The following AGAP1 variants were observed in gnomAD, a reference collection of about 807,000 sequenced individuals.
AGAP1 encodes the protein arf-GAP with GTPase, ANK repeat and PH domain-containing protein 1.
In AGAP1, 29 loss-of-function variants were observed where a neutral mutation model predicts 105.3. That is an observed-to-expected ratio of 0.28 (90% CI 0.21 to 0.38). The LOEUF (loss-of-function observed/expected upper bound fraction) is 0.38. AGAP1 is among the 10% of genes least tolerant of loss of function. The pLI, the probability that AGAP1 is intolerant of heterozygous loss-of-function variation, is 1.00. For missense variants in AGAP1, 998 were observed against 1,165.1 expected (o/e 0.86, Z 2.09); for synonymous variants, 509 against 485.9 (o/e 1.05, Z -0.63).
In AGAP1 at chr2:235,642,937, G is replaced by C. The variant is rs1009991690; in HGVS notation, c.164-66242G>C. On this transcript the variant is annotated intron_variant, in intron 1 of 17. Transcript: ENST00000304032. This position sits in a 1 kb window ranked among gnomAD's most constrained non-coding sequence, Gnocchi z 4.1. ...ATGTGCTGCCATGACAAGGCACGGT[G>C]GTGGTGGGGACCTGGCAAGGTACCG... Among the ~76,000 whole-genome samples, 1 of 152,232 alleles carries C rather than the reference G, an allele frequency of 6.6e-6. No individual in the cohort carries two copies. Among genetic ancestry groups the C allele is most frequent in the African/African-American group, 2.4e-5 (1 of 41,466 alleles).
rs1011447307 is a variant in AGAP1, at chr2:236,123,759, T to C, written c.2371-160T>C. On this transcript the variant is annotated intron_variant, in intron 17 of 17. Coordinates refer to ENST00000304032, the MANE Select transcript of AGAP1 (RefSeq NM_001037131.3). This position sits in a 1 kb window ranked among gnomAD's most constrained non-coding sequence, Gnocchi z 4.6. ...GAATCCGCTGGCCACGGGTGCAGGC[T>C]GTGCCACCAGCACTGGATGGTCCTG... Among the ~76,000 whole-genome samples the C allele has an allele frequency of 2.0e-5, 3 of 152,170 alleles. No homozygotes were observed. Among genetic ancestry groups the C allele is most frequent in the Non-Finnish European group, 4.4e-5 (3 of 68,032 alleles).
rs1179011493 is a variant in AGAP1 at position 235,845,536 on chromosome 2, G to C, written c.1051-37809G>C. Among the ~76,000 whole-genome samples the C allele has an allele frequency of 6.6e-6, 1 of 152,042 alleles. No individual in the cohort carries two copies. The highest frequency in any genetic ancestry group is 2.4e-5 in the African/African-American group (1 of 41,414). On this transcript the variant is annotated intron_variant, in intron 9 of 17. Transcript: ENST00000304032. This position sits in a 1 kb window ranked among gnomAD's most constrained non-coding sequence, Gnocchi z 4.8. ...GTGGGGTCACCACTATCCACCGACA[G>C]CCCAGCCGGTCGACAGCAGACCTTT...
chr2:236,097,380 C>CTTTTTTTTTTTTTTTTT (rs58882083), intron 16 of AGAP1, among the ~76,000 whole-genome samples: 1 of 48,648 alleles, frequency 2.1e-5, no homozygotes, highest in Non-Finnish European at 3.9e-5. Flanking sequence ...TCATCCTAAT[C>CTTTTTTTTTTTTTTTTT]TTTTTTTTTT....
rs1422469855 is a variant in AGAP1 at position 235,889,060 on chromosome 2, CG to C, written c.1155+5613del. ...AGTTTGCTTATTGCACAAGTGTCCACGGAAGTGTTTGTGTGAAAGATCGATC... is the reference window on the plus strand; with the variant it reads ...AGTTTGCTTATTGCACAAGTGTCCACGAAGTGTTTGTGTGAAAGATCGATC... On this transcript the variant is annotated intron_variant, in intron 10 of 17. Transcript: ENST00000304032. The surrounding 1 kb of genome is among the most constrained non-coding windows in gnomAD (Gnocchi z 4.6). 1.3e-5 allele frequency among the ~76,000 whole-genome samples: 2 copies of C among 152,316 alleles called. No individual in the cohort carries two copies. The highest frequency in any genetic ancestry group is 3.9e-4 in the East Asian group (2 of 5,188).
At position 235,622,476 on chromosome 2, in the gene AGAP1, G is replaced by A. The variant is rs1384398629; in HGVS notation, c.164-86703G>A. On this transcript the variant is annotated intron_variant, in intron 1 of 17. Transcript: ENST00000304032. The surrounding 1 kb of genome is among the most constrained non-coding windows in gnomAD (Gnocchi z 5.0). Reference sequence around the variant, plus strand: ...TGCCTGGACTCAATCTGCAGAGACAGGTGTCTGGGATCTGAAGACAGCAGT... The same window carrying A: ...TGCCTGGACTCAATCTGCAGAGACAAGTGTCTGGGATCTGAAGACAGCAGT... Among the ~76,000 whole-genome samples the A allele has an allele frequency of 6.6e-6, 1 of 152,182 alleles. No individual in the cohort carries two copies. Among genetic ancestry groups the A allele is most frequent in the Admixed American group, 6.5e-5 (1 of 15,278 alleles).
At position 235,601,794 on chromosome 2, in the gene AGAP1, C is replaced by T. The variant is rs1038470924; in HGVS notation, c.163+106945C>T. On this transcript the variant is annotated intron_variant, in intron 1 of 17. Transcript: ENST00000304032. The surrounding 1 kb of genome is among the most constrained non-coding windows in gnomAD (Gnocchi z 4.4). ...GCCAGGAGTTTAAGACCAGCCTGGG[C>T]AACCTCTTTTAAAGTTAATTACTTC... Among the ~76,000 whole-genome samples the T allele has an allele frequency of 6.6e-6, 1 of 152,176 alleles. No individual in the cohort carries two copies. The highest frequency in any genetic ancestry group is 1.5e-5 in the Non-Finnish European group (1 of 68,028).
intron 1 of AGAP1, among the ~76,000 whole-genome samples, chr2:235,651,610 A>T (rs186166029): frequency 6.6e-6 from 1 of 152,184 alleles, no homozygotes; most frequent in Non-Finnish European, 1.5e-5. Flanking sequence ...CCCTCTAGTC[A>T]TGTTGTGGCT....
rs190307054 is a variant in AGAP1, at chr2:235,703,043, C to G, written c.164-6136C>G. ...CCCGGGTTTAAGCAATTCTCCTGCC[C>G]CAGCCTCCTGAGTAGCTGGGATTAC... On this transcript the variant is annotated intron_variant, in intron 1 of 17. Coordinates refer to ENST00000304032, the MANE Select transcript of AGAP1 (RefSeq NM_001037131.3). Among the ~76,000 whole-genome samples the G allele has an allele frequency of 6.2e-4, 92 of 149,570 alleles. 1 individual carries two copies. The East Asian group carries it at 0.015, about 25-fold the overall frequency.
At chr2:235,602,160 G>A (rs2149237178) in intron 1 of AGAP1, among the ~76,000 whole-genome samples, 1 of 152,246 alleles carries the variant, frequency 6.6e-6, no homozygotes, top group Admixed American at 6.5e-5. Flanking sequence ...GTAGTTGGGG[G>A]AAAAAATCAA....
chr2:235,570,752 A>G (rs753595209), intron 1 of AGAP1, among the ~76,000 whole-genome samples: 6 of 152,304 alleles, frequency 3.9e-5, no homozygotes, highest in Non-Finnish European at 7.3e-5. Flanking sequence ...TTCTTCCTCT[A>G]TGAAGTGGAG....
At chr2:235,881,137 C>T (rs907665409) in intron 9 of AGAP1, among the ~76,000 whole-genome samples, 1 of 152,142 alleles carries the variant, frequency 6.6e-6, no homozygotes, top group Non-Finnish European at 1.5e-5. Context: ...GTGATTGCAG[C>T]CCCAAGCTGG....
intron 8 of AGAP1, among the ~76,000 whole-genome samples, chr2:235,802,753 GATGGTTGTGGTTGT>G (rs1490575255): frequency 7.9e-5 from 12 of 151,862 alleles, no homozygotes; most frequent in Non-Finnish European, 4.4e-5. Context: ...TGGTGGTGGT[GATGGTTGTGGTTGT>G]GATGATGGTT....
chr2:235,643,620 A>G (rs1279688688), intron 1 of AGAP1, among the ~76,000 whole-genome samples: 1 of 151,762 alleles, frequency 6.6e-6, no homozygotes, highest in African/African-American at 2.4e-5. Context: ...AGTGTTGCCA[A>G]GTGAGCCCCC....
rs1206263669 is a variant in AGAP1, at chr2:236,073,120, CGAGTAGCTGGGAT to C, written c.2114+23840_2114+23852del. On this transcript the variant is annotated intron_variant, in intron 16 of 17. Transcript: ENST00000304032. The surrounding 1 kb of genome is among the most constrained non-coding windows in gnomAD (Gnocchi z 5.4). ...GAGCGATTCTCCTGCCTTGGTCCCCCGAGTAGCTGGGATTACAGGCGCACGCCACCACGCCTGG... is the reference window on the plus strand; with the variant it reads ...GAGCGATTCTCCTGCCTTGGTCCCCCTACAGGCGCACGCCACCACGCCTGG... Among the ~76,000 whole-genome samples the C allele has an allele frequency of 1.3e-5, 2 of 152,002 alleles. No individual in the cohort carries two copies. Among genetic ancestry groups the C allele is most frequent in the African/African-American group, 4.8e-5 (2 of 41,394 alleles).
At chr2:235,697,423 C>G (rs941619131) in intron 1 of AGAP1, among the ~76,000 whole-genome samples, 1 of 152,204 alleles carries the variant, frequency 6.6e-6, no homozygotes, top group Non-Finnish European at 1.5e-5. Flanking sequence ...CCAGTGCCCC[C>G]ACTTCCCCCT....
chr2:235,938,416 G>C (rs983026228), intron 12 of AGAP1, among the ~76,000 whole-genome samples: 2 of 152,360 alleles, frequency 1.3e-5, no homozygotes, highest in Middle Eastern at 6.8e-3. Context: ...CCTGCTGCGC[G>C]TATGAAGACA....
In AGAP1 at chr2:235,569,359, C is replaced by T. The variant is rs530104872; in HGVS notation, c.163+74510C>T. 6.6e-6 allele frequency among the ~76,000 whole-genome samples: 1 copy of T among 152,264 alleles called. No individual in the cohort carries two copies. The highest frequency in any genetic ancestry group is 2.1e-4 in the South Asian group (1 of 4,822). ...GAAGTACATGACCCCGAGTGGGTGC[C>T]TCTCCTGGCCAGGTGTCCCCTTGTG... On this transcript the variant is annotated intron_variant, in intron 1 of 17. Transcript: ENST00000304032. The surrounding 1 kb of genome is among the most constrained non-coding windows in gnomAD (Gnocchi z 5.9).
chr2:236,017,833 T>C (rs2056757903), intron 13 of AGAP1, among the ~76,000 whole-genome samples: 1 of 152,188 alleles, frequency 6.6e-6, no homozygotes, highest in Non-Finnish European at 1.5e-5. Flanking sequence ...TATCATGTTA[T>C]GGATGGAAAA....
intron 9 of AGAP1, among the ~76,000 whole-genome samples, chr2:235,809,808 G>A (rs1230192846): frequency 4.6e-5 from 7 of 152,248 alleles, no homozygotes; most frequent in Non-Finnish European, 8.8e-5. Context: ...GCAGGGGATG[G>A]AGCCTGATGG....
Sources: gnomAD v4.1 joint callset for allele counts (sites outside exome capture counted in the v4.1 genomes callset) on GRCh38, gnomAD v4.1.1 for gene constraint, Gnocchi (gnomAD v3.1) non-coding constraint, MANE v1.5 for transcripts, NCBI Gene and HGNC (gene_info 2026-07-23, HGNC 2026-07-21) for gene names.